The following ASAP1 variants were observed in gnomAD, a reference collection of about 807,000 sequenced individuals.
The protein encoded by ASAP1 is ArfGAP with SH3 domain, ankyrin repeat and PH domain 1, also known as arf-GAP with SH3 domain, ANK repeat and PH domain-containing protein 1.
A neutral mutation model predicts 145.2 loss-of-function variants in ASAP1; 43 were observed. That is an observed-to-expected ratio of 0.30 (90% confidence interval 0.23 to 0.38). The LOEUF (loss-of-function observed/expected upper bound fraction) is 0.38. ASAP1 is among the 10% of genes least tolerant of loss of function. The pLI, the probability that ASAP1 is intolerant of heterozygous loss-of-function variation, is 1.00. For missense variants in ASAP1, 1,018 were observed against 1,355.3 expected (o/e 0.75, Z 3.91); for synonymous variants, 546 against 515.5 (o/e 1.06, Z -0.80).
At chr8:130,346,606 C>T (rs1011192992) in intron 3 of ASAP1, among the ~76,000 whole-genome samples, 1 of 152,188 alleles carries the variant, frequency 6.6e-6, no homozygotes, top group Non-Finnish European at 1.5e-5. Context: ...GCAATCAGCA[C>T]AGTTCCCGGC....
intron 2 of ASAP1, among the ~76,000 whole-genome samples, chr8:130,384,970 G>A (rs191130492): frequency 2.0e-5 from 3 of 152,286 alleles, no homozygotes; most frequent in African/African-American, 2.4e-5. Flanking sequence ...AGTGTCCCAC[G>A]TACATACACA....
At chr8:130,371,652 A>C (rs1399064061) in intron 2 of ASAP1, among the ~76,000 whole-genome samples, 1 of 152,182 alleles carries the variant, frequency 6.6e-6, no homozygotes, top group Non-Finnish European at 1.5e-5. Flanking sequence ...CTTGCTGCCT[A>C]CTGTAATGTG....
intron 3 of ASAP1, among the ~76,000 whole-genome samples, chr8:130,349,912 G>A (rs889269070): frequency 5.9e-5 from 9 of 152,168 alleles, no homozygotes; most frequent in African/African-American, 2.2e-4. Flanking sequence ...TCATGTTTAA[G>A]TAATACATGT....
rs966193843 is a variant in ASAP1 at position 130,053,218 on chromosome 8, C to T, written c.*1513G>A. The T allele has an allele frequency of 7.2e-5, 11 of 152,200 alleles. No homozygotes were observed. The highest frequency in any genetic ancestry group is 2.7e-4 in the African/African-American group (11 of 41,454). 9.4% of individuals were successfully genotyped at this position (152,200 alleles called of 1,614,324 possible). ...TTCTGTGAAATTAACATCTCTCACT[C>T]ATTGCCAAGATTCTCTGCTTAAAAA... On this transcript the variant is annotated 3_prime_UTR_variant, in exon 30 of 30. Transcript: ENST00000518721.
At chr8:130,197,783 G>A (rs914432179) in intron 5 of ASAP1, among the ~76,000 whole-genome samples, 4 of 152,192 alleles carry the variant, frequency 2.6e-5, no homozygotes, top group Admixed American at 6.5e-5. Context: ...TATGAGAAAC[G>A]TCCAAGTCCC....
intron 7 of ASAP1, among the ~76,000 whole-genome samples, chr8:130,181,736 T>C (rs1586535952): frequency 6.6e-6 from 1 of 152,214 alleles, no homozygotes; most frequent in Non-Finnish European, 1.5e-5. Context: ...TAGCTGACGC[T>C]AGTGCTCGGC....
intron 3 of ASAP1, among the ~76,000 whole-genome samples, chr8:130,295,907 A>C (rs1822243825): frequency 6.6e-6 from 1 of 152,212 alleles, no homozygotes; most frequent in Admixed American, 6.5e-5. Context: ...ATTAAAAAGG[A>C]AACAAAAAAA....
At chr8:130,279,412 G>A (rs929171255) in intron 3 of ASAP1, among the ~76,000 whole-genome samples, 6 of 152,286 alleles carry the variant, frequency 3.9e-5, no homozygotes, top group African/African-American at 1.2e-4. Flanking sequence ...CTCACAAACC[G>A]CAGTGGATGT....
At chr8:130,350,770 C>T (rs1825949122) in intron 3 of ASAP1, among the ~76,000 whole-genome samples, 1 of 152,166 alleles carries the variant, frequency 6.6e-6, no homozygotes, top group Non-Finnish European at 1.5e-5. Flanking sequence ...TTGGCAATTC[C>T]CTGAATAACT....
At chr8:130,063,945 A>G (rs1367964783) in intron 27 of ASAP1, among the ~76,000 whole-genome samples, 1 of 152,142 alleles carries the variant, frequency 6.6e-6, no homozygotes, top group African/African-American at 2.4e-5. Flanking sequence ...AAGCAGGGGA[A>G]GGGAGAAAAG....
chr8:130,368,134 G>GT (rs1299814857), intron 2 of ASAP1, among the ~76,000 whole-genome samples: 1 of 152,010 alleles, frequency 6.6e-6, no homozygotes, highest in African/African-American at 2.4e-5. Context: ...ATATTTTCTG[G>GT]TTTTTTGTTT....
At chr8:130,062,454 C>T (rs919685920) in intron 27 of ASAP1, among the ~76,000 whole-genome samples, 2 of 152,146 alleles carry the variant, frequency 1.3e-5, no homozygotes, top group African/African-American at 2.4e-5. Flanking sequence ...GCTGAGGTGG[C>T]TTGGCTCTAA....
intron 3 of ASAP1, among the ~76,000 whole-genome samples, chr8:130,294,098 C>T (rs531853078): frequency 3.9e-5 from 6 of 152,260 alleles, no homozygotes; most frequent in African/African-American, 1.2e-4. Context: ...ACGTTCCATA[C>T]GAAGAAACAA....
intron 3 of ASAP1, among the ~76,000 whole-genome samples, chr8:130,256,761 A>ATATCCT (rs1554860247): frequency 1.0e-5 from 1 of 98,138 alleles, no homozygotes; most frequent in African/African-American, 3.5e-5. Context: ...ATATATATAT[A>ATATCCT]TATATATATA....
At chr8:130,178,609 C>A (rs1814127477) in intron 9 of ASAP1, among the ~76,000 whole-genome samples, 1 of 152,156 alleles carries the variant, frequency 6.6e-6, no homozygotes, top group Admixed American at 6.5e-5. Flanking sequence ...ACTGAAGACT[C>A]CAGGTGGAAA....
intron 3 of ASAP1, among the ~76,000 whole-genome samples, chr8:130,296,764 GA>G (rs200994455): frequency 0.031 from 4,408 of 142,644 alleles, 154 homozygotes; most frequent in African/African-American, 0.083. Flanking sequence ...TAGTTTAAAA[GA>G]AAAAAAAAAA....
chr8:130,220,553 G>A lies in ASAP1; in HGVS notation c.260-5852C>T, dbSNP rs191035611. ...CTTAAAGCAATTAAGAAACAGCAAG[G>A]TGGCTGGGTGCAGTGGTTCATACCT... On this transcript the variant is annotated intron_variant, in intron 4 of 29. Transcript: ENST00000518721. Among the ~76,000 whole-genome samples, 21 of 152,240 alleles carry A rather than the reference G, an allele frequency of 1.4e-4. No homozygotes were observed. In the East Asian group the frequency reaches 3.3e-3, roughly 24 times the overall value.
intron 1 of ASAP1, among the ~76,000 whole-genome samples, chr8:130,425,187 C>A (rs1425504512): frequency 6.6e-6 from 1 of 151,710 alleles, no homozygotes; most frequent in Non-Finnish European, 1.5e-5. Flanking sequence ...TAAAAATTAG[C>A]TGGGCATGGT....
At chr8:130,068,267 G>A (rs12541938) in intron 27 of ASAP1, among the ~76,000 whole-genome samples, 23,899 of 152,142 alleles carry the variant, frequency 0.16, 2,495 homozygotes, top group East Asian at 0.44. Flanking sequence ...ACTTGAGGCT[G>A]GACTAAGCTC....
Sources: gnomAD v4.1 joint callset for allele counts (sites outside exome capture counted in the v4.1 genomes callset) on GRCh38, gnomAD v4.1.1 for gene constraint, MANE v1.5 for transcripts, NCBI Gene and HGNC (gene_info 2026-07-23, HGNC 2026-07-21) for gene names.